The following OXR1 variants were observed in gnomAD, a reference collection of about 807,000 sequenced individuals.
The protein encoded by OXR1 is oxidation resistance protein 1.
A neutral mutation model predicts 104.6 loss-of-function variants in OXR1; 41 were observed. The ratio of observed to expected loss-of-function variants is 0.39; its 90% CI spans 0.31 to 0.51. The LOEUF is 0.51. OXR1 is among the 20% of genes least tolerant of loss of function. The pLI is 0.77. For missense variants in OXR1, 955 were observed against 1,031.9 expected (o/e 0.93, Z 1.02); for synonymous variants, 348 against 348.4 (o/e 1.00, Z 0.01).
intron 3 of OXR1, among the ~76,000 whole-genome samples, chr8:106,557,906 A>C (rs1017915968): frequency 6.6e-6 from 1 of 152,250 alleles, no homozygotes; most frequent in East Asian, 1.9e-4. Context: ...AAAAATCAAT[A>C]AGTGATAATT....
intron 2 of OXR1, among the ~76,000 whole-genome samples, chr8:106,513,103 T>C (rs1812643373): frequency 6.6e-6 from 1 of 152,162 alleles, no homozygotes; most frequent in African/African-American, 2.4e-5. Flanking sequence ...AAATAAATTA[T>C]GCAAGAGTAA....
chr8:106,546,669 A>C (rs1815383511), intron 3 of OXR1, among the ~76,000 whole-genome samples: 1 of 152,218 alleles, frequency 6.6e-6, no homozygotes, highest in East Asian at 1.9e-4. Flanking sequence ...TATTCCCCTC[A>C]TGGTCAGTAA....
intron 6 of OXR1, among the ~76,000 whole-genome samples, chr8:106,692,153 T>C (rs1454678578): frequency 6.6e-6 from 1 of 152,110 alleles, no homozygotes; most frequent in Non-Finnish European, 1.5e-5. Flanking sequence ...GTTCATAGGC[T>C]TCACTGTAAG....
chr8:106,488,572 CT>C (rs1810853861), intron 2 of OXR1, among the ~76,000 whole-genome samples: 2 of 152,072 alleles, frequency 1.3e-5, no homozygotes, highest in African/African-American at 4.8e-5. Flanking sequence ...ACATTTAAGT[CT>C]TTAATCCATC....
intron 3 of OXR1, among the ~76,000 whole-genome samples, chr8:106,621,656 T>G (rs940471004): frequency 1.2e-4 from 19 of 152,138 alleles, no homozygotes; most frequent in Non-Finnish European, 2.4e-4. Flanking sequence ...GTTAATATAT[T>G]TAGTATATGT....
intron 2 of OXR1, among the ~76,000 whole-genome samples, chr8:106,376,806 G>A (rs182435056): frequency 2.0e-5 from 3 of 152,124 alleles, no homozygotes; most frequent in South Asian, 2.1e-4. Context: ...CATGTATCCC[G>A]TCAACAGAAA....
chr8:106,659,713 C>G (rs1021475033), intron 3 of OXR1, among the ~76,000 whole-genome samples: 32 of 152,172 alleles, frequency 2.1e-4, no homozygotes, highest in African/African-American at 7.7e-4. Flanking sequence ...GTATCTGATT[C>G]ATTCGGTGGC....
intron 3 of OXR1, among the ~76,000 whole-genome samples, chr8:106,654,653 C>T (rs1297281665): frequency 6.6e-6 from 1 of 152,016 alleles, no homozygotes; most frequent in Non-Finnish European, 1.5e-5. Context: ...ATAGAAAAAA[C>T]ATAATAGTTA....
intron 3 of OXR1, among the ~76,000 whole-genome samples, chr8:106,625,965 T>G (rs1299034085): frequency 6.6e-6 from 1 of 152,040 alleles, no homozygotes; most frequent in African/African-American, 2.4e-5. Context: ...ATTTTATATC[T>G]TTTCAAATAC....
chr8:106,512,593 G>A (rs539199232), intron 2 of OXR1, among the ~76,000 whole-genome samples: 24 of 152,182 alleles, frequency 1.6e-4, no homozygotes, highest in Admixed American at 3.3e-4. Context: ...TTTTTTATGC[G>A]TTTCAGTCAT....
chr8:106,663,697 G>T (rs573291140), intron 3 of OXR1, among the ~76,000 whole-genome samples: 1 of 152,322 alleles, frequency 6.6e-6, no homozygotes, highest in African/African-American at 2.4e-5. Flanking sequence ...TGTTAGATCA[G>T]TGGGGACATT....
At chr8:106,640,026 T>C (rs1012378191) in intron 3 of OXR1, among the ~76,000 whole-genome samples, 5 of 152,116 alleles carry the variant, frequency 3.3e-5, no homozygotes, top group Non-Finnish European at 7.4e-5. Flanking sequence ...TCCAAGATGG[T>C]GAATGTCTTA....
At chr8:106,415,579 G>GAGAC (rs1554571062) in intron 2 of OXR1, among the ~76,000 whole-genome samples, 1 of 150,464 alleles carries the variant, frequency 6.6e-6, no homozygotes, top group Non-Finnish European at 1.5e-5. Flanking sequence ...CTGAGAGAGA[G>GAGAC]AGAGAGACAG....
intron 1 of OXR1, chr8:106,272,105 A>G (rs1406392701): frequency 6.6e-6 from 1 of 152,214 alleles, no homozygotes; most frequent in African/African-American, 2.4e-5. Context: ...TAGCGAAAAA[A>G]GAAAACACTA....
chr8:106,566,331 A>G (rs1349836393), intron 3 of OXR1, among the ~76,000 whole-genome samples: 1 of 152,242 alleles, frequency 6.6e-6, no homozygotes, highest in Non-Finnish European at 1.5e-5. Flanking sequence ...GACACTTTTC[A>G]AAAGAAAACA....
intron 15 of OXR1, chr8:106,742,614 AACAGAATAGAGAACTCAGAAATAAG>A (rs891730848): frequency 5.3e-6 from 1 of 189,816 alleles, no homozygotes; most frequent in African/African-American, 2.4e-5. Flanking sequence ...AGACCAATGG[AACAGAATAGAGAACTCAGAAATAAG>A]ACCTCACACC....
intron 2 of OXR1, among the ~76,000 whole-genome samples, chr8:106,482,447 T>A (rs994339076): frequency 1.3e-5 from 2 of 149,498 alleles, no homozygotes; most frequent in East Asian, 3.9e-4. Context: ...ATCCCATCCA[T>A]GGCCCCTGCA....
At chr8:106,312,481 A>T (rs1447770280) in intron 1 of OXR1, among the ~76,000 whole-genome samples, 1 of 152,178 alleles carries the variant, frequency 6.6e-6, no homozygotes, top group Non-Finnish European at 1.5e-5. Flanking sequence ...GCATACTATT[A>T]ATTACAGAGA....
At chr8:106,328,849 G>A (rs985778953) in intron 1 of OXR1, among the ~76,000 whole-genome samples, 2 of 152,272 alleles carry the variant, frequency 1.3e-5, no homozygotes, top group African/African-American at 2.4e-5. Context: ...TAACCTAGTG[G>A]CATTAATGCT....
Sources: gnomAD v4.1 joint callset for allele counts (sites outside exome capture counted in the v4.1 genomes callset) on GRCh38, gnomAD v4.1.1 for gene constraint, MANE v1.5 for transcripts, NCBI Gene and HGNC (gene_info 2026-07-23, HGNC 2026-07-21) for gene names.